CCDC110: variants seen among roughly 807,000 people sequenced by gnomAD.
CCDC110 encodes coiled-coil domain-containing protein 110.
A neutral mutation model predicts 77.1 loss-of-function variants in CCDC110; 70 were observed. The ratio of observed to expected loss-of-function variants is 0.91; its 90% CI spans 0.75 to 1.11. The LOEUF (loss-of-function observed/expected upper bound fraction) is 1.11. CCDC110 is among the 50% of genes least tolerant of loss of function. The probability of loss-of-function intolerance (pLI) is 0.00; values close to 1 mark genes in which losing one functional copy is unlikely to be tolerated. For synonymous variants in CCDC110, 295 were observed against 312.5 expected (o/e 0.94, Z 0.59); for missense variants, 868 against 942.9 (o/e 0.92, Z 1.04).
rs540739000 is a variant in CCDC110 at position 185,448,544 on chromosome 4, C to G, written c.2462-3002G>C. ...AAAACTGATCTATGTCACTGAACCA[C>G]GATTCCCCTAGATATTAGGGTAAAT... On this transcript the variant is annotated intron_variant, in intron 6 of 6. Coordinates refer to ENST00000307588, the MANE Select transcript of CCDC110 (RefSeq NM_152775.4). Among the ~76,000 whole-genome samples, 19 of 152,220 alleles carry G rather than the reference C, an allele frequency of 1.2e-4. No homozygotes were observed. The South Asian group carries it at 3.5e-3, about 28-fold the overall frequency.
At chr4:185,457,810 G>A in intron 6 of CCDC110, 1 of 1,414,454 alleles carries the variant, frequency 7.1e-7, no homozygotes, top group South Asian at 1.4e-5. Flanking sequence ...AGTTTACTTG[G>A]AATTCCTAGG....
rs891130955 is a variant in CCDC110 at position 185,461,189 on chromosome 4, T to C, written c.238-30A>G. The C allele has an allele frequency of 1.0e-5, 12 of 1,190,300 alleles. No individual in the cohort carries two copies. In the African/African-American group the frequency reaches 1.1e-4, roughly 11 times the overall value. 73.7% of individuals were successfully genotyped at this position (1,190,300 alleles called of 1,614,324 possible). On this transcript the variant is annotated intron_variant, in intron 4 of 6. Coordinates refer to ENST00000307588, the MANE Select transcript of CCDC110 (RefSeq NM_152775.4). ...AAAAGATAAATTGAGAAAAATTTGA[T>C]TTCAGATTTGTAAACTTATGAATGT...
At chr4:185,469,498 A>G (rs1286380267) in intron 2 of CCDC110, among the ~76,000 whole-genome samples, 1 of 152,250 alleles carries the variant, frequency 6.6e-6, no homozygotes, top group Non-Finnish European at 1.5e-5. Flanking sequence ...GATCTTGCCA[A>G]ATTAAGGTAC....
intron 2 of CCDC110, 92 bp from the exon 3 acceptor site, chr4:185,463,141 A>G: frequency 1.2e-6 from 1 of 868,168 alleles, no homozygotes; most frequent in African/African-American, 1.7e-5. Flanking sequence ...ACTTGCTTGG[A>G]TAGTGAGGCA....
In CCDC110 at chr4:185,445,197, A is replaced by G. The variant is rs916023729; in HGVS notation, c.*305T>C. The G allele has an allele frequency of 7.7e-6, 10 of 1,297,116 alleles. No homozygotes were observed. Among genetic ancestry groups the G allele is most frequent in the Non-Finnish European group, 9.6e-6 (9 of 939,070 alleles). The allele number at this position is 1,297,116 out of a possible 1,614,324, so 80.4% of individuals were successfully genotyped here. ...TGTTTCCAACTTTTATACTTCTTCAAAATAGTATCTTTTATTTATATATAC... is the reference window on the plus strand; with the variant it reads ...TGTTTCCAACTTTTATACTTCTTCAGAATAGTATCTTTTATTTATATATAC... On this transcript the variant is annotated 3_prime_UTR_variant, in exon 7 of 7. Coordinates refer to ENST00000307588, the MANE Select transcript of CCDC110 (RefSeq NM_152775.4).
chr4:185,448,528 C>T (rs2095621323), intron 6 of CCDC110, among the ~76,000 whole-genome samples: 1 of 152,124 alleles, frequency 6.6e-6, no homozygotes. Flanking sequence ...AAAAACTGAT[C>T]TATGTCACTG....
At chr4:185,447,074 C>T (rs2095614163) in intron 6 of CCDC110, among the ~76,000 whole-genome samples, 1 of 152,178 alleles carries the variant, frequency 6.6e-6, no homozygotes, top group African/African-American at 2.4e-5. Context: ...GGAGCTTCTA[C>T]TGAACTTCTA....
chr4:185,455,858 G>A (rs545261503), intron 6 of CCDC110, among the ~76,000 whole-genome samples: 153 of 151,800 alleles, frequency 1.0e-3, no homozygotes, highest in African/African-American at 3.5e-3. Flanking sequence ...ACTCCAGCCC[G>A]GGCTGACAAC....
At position 185,462,985 on chromosome 4, in the gene CCDC110, T is replaced by C. The variant is rs1488019165; in HGVS notation, c.171+9A>G. On this transcript the variant is annotated intron_variant, in intron 3 of 6. Coordinates refer to ENST00000307588, the MANE Select transcript of CCDC110 (RefSeq NM_152775.4). The stretch of plus-strand genomic sequence containing the variant: ...ATTTTGGAGATGATAAAATGGAATA[T>C]AGACTCACTTTCAATGCTGATTGTG... The C allele has an allele frequency of 6.2e-7, 1 of 1,608,796 alleles. No individual in the cohort carries two copies. Among genetic ancestry groups the C allele is most frequent in the Non-Finnish European group, 8.5e-7 (1 of 1,175,280 alleles).
intron 2 of CCDC110, among the ~76,000 whole-genome samples, chr4:185,469,740 G>A (rs935869552): frequency 6.6e-6 from 1 of 152,204 alleles, no homozygotes; most frequent in African/African-American, 2.4e-5. Context: ...GGTAGTGCCT[G>A]GGCACCCGGG....
At chr4:185,457,686 A>C (rs2095637970) in intron 6 of CCDC110, 1 of 860,314 alleles carries the variant, frequency 1.2e-6, no homozygotes, top group Non-Finnish European at 1.7e-6. Context: ...TACCAGGTTA[A>C]TGTAATCACA....
chr4:185,445,355 A>C lies in CCDC110; in HGVS notation c.*147T>G, dbSNP rs1020670413. 23 of 756,168 alleles carry C rather than the reference A, an allele frequency of 3.0e-5. No individual in the cohort carries two copies. The African/African-American group carries it at 3.5e-4, about 12-fold the overall frequency. The allele number at this position is 756,168 out of a possible 1,614,324, so 46.8% of individuals were successfully genotyped here. On this transcript the variant is annotated 3_prime_UTR_variant, in exon 7 of 7. Transcript: ENST00000307588. ...TGAGAAAGCTTAAGTTATCTGCACC[A>C]AACCATTCTGTGCATAATTTTTAAA... is the stretch of plus-strand genomic sequence containing the variant.
intron 6 of CCDC110, among the ~76,000 whole-genome samples, chr4:185,456,437 A>G (rs1254960451): frequency 3.9e-5 from 6 of 152,170 alleles, no homozygotes; most frequent in Admixed American, 2.6e-4. Flanking sequence ...GAAAAAAACA[A>G]AGCAGCAAGA....
chr4:185,467,480 T>C (rs2095658363), intron 2 of CCDC110, among the ~76,000 whole-genome samples: 2 of 152,166 alleles, frequency 1.3e-5, no homozygotes, highest in South Asian at 4.1e-4. Context: ...ACCAAGTCCC[T>C]GCTAAACATA....
rs753527171 is a variant in CCDC110, at chr4:185,461,113, A to T, written c.284T>A (p.Val95Glu). ...TTCTGAGCTAAATTGTGGGTTTTCT[A>T]CTTCAATAATACTTTTGTTCAATAT... ...SEILNKSIIEVENPQFSSEKN... is the reference protein window; with the variant it reads ...SEILNKSIIEEENPQFSSEKN... The change falls in exon 5 of 7, where the codon GTA (valine) becomes GAA (glutamate). Residue 95 changes from valine (V) to glutamate (E), a missense_variant. Transcript: ENST00000307588. 5 of 1,598,662 alleles carry T rather than the reference A, an allele frequency of 3.1e-6. No individual in the cohort carries two copies. The highest frequency in any genetic ancestry group is 1.8e-5 in the Admixed American group (1 of 57,064).
chr4:185,453,587 G>A (rs1460204316), intron 6 of CCDC110, among the ~76,000 whole-genome samples: 2 of 136,876 alleles, frequency 1.5e-5, no homozygotes, highest in East Asian at 2.1e-4. Context: ...TTGCTCTGTC[G>A]CCTAGGCTGG....
Position 185,471,712 on chromosome 4 carries a change from C to A in CCDC110, c.-29G>T. The A allele has an allele frequency of 2.0e-6, 3 of 1,533,710 alleles. No individual in the cohort carries two copies. The South Asian group carries it at 3.7e-5, about 19-fold the overall frequency. On this transcript the variant is annotated 5_prime_UTR_variant, in exon 1 of 7. Transcript: ENST00000307588. ...CGCGGCTCATCTCTCTCGCAACCGC[C>A]GCCGCACGCACCCGCTCCGCCGCCC... is the stretch of plus-strand genomic sequence containing the variant.
At chr4:185,454,483 G>C (rs2095633452) in intron 6 of CCDC110, among the ~76,000 whole-genome samples, 1 of 152,002 alleles carries the variant, frequency 6.6e-6, no homozygotes, top group Admixed American at 6.5e-5. Context: ...GGAGGCTGAG[G>C]CGGGAGGATC....
rs1448248459 is a variant in CCDC110 at position 185,470,951 on chromosome 4, C to T, written c.109G>A (p.Asp37Asn). 2 of 1,609,060 alleles carry T rather than the reference C, an allele frequency of 1.2e-6. No individual in the cohort carries two copies. The highest frequency in any genetic ancestry group is 1.7e-6 in the Non-Finnish European group (2 of 1,176,852). The change falls in exon 2 of 7, where the codon GAC (aspartate) becomes AAC (asparagine). Residue 37 changes from aspartate to asparagine, a missense_variant. Coordinates refer to ENST00000307588, the MANE Select transcript of CCDC110 (RefSeq NM_152775.4). ...SEGVKESGCS[D>N]TEYGCIAESE... ...TACGGTCTGGCGATTTTACCTGTGT[C>T]ACTGCAGCCACTTTCCTTCACCCCC...
Sources: allele counts gnomAD v4.1 joint callset (sites outside exome capture counted in the v4.1 genomes callset), GRCh38; gene constraint gnomAD v4.1.1; transcripts MANE v1.5; gene names NCBI Gene and HGNC (gene_info 2026-07-23, HGNC 2026-07-21).